TLK1: variants seen among roughly 807,000 people sequenced by gnomAD.
The protein encoded by TLK1 is tousled like kinase 1.
In TLK1, 24 loss-of-function variants were observed where a neutral mutation model predicts 105.3. That is an observed-to-expected ratio of 0.23 (90% CI 0.17 to 0.32). The LOEUF (loss-of-function observed/expected upper bound fraction) is 0.32, where lower values mean the gene tolerates loss of function less well. Ranked by LOEUF, TLK1 falls within the 10% of genes least tolerant of loss-of-function variation. The pLI, the probability that TLK1 is intolerant of heterozygous loss-of-function variation, is 1.00. For missense variants in TLK1, 558 were observed against 910.5 expected, an observed-to-expected ratio of 0.61 and a Z score of 4.98; for synonymous variants, 321 against 310.4, an observed-to-expected ratio of 1.03 and a Z score of -0.36.
At chr2:171,069,079 T>C (rs1233885296) in intron 3 of TLK1, among the ~76,000 whole-genome samples, 1 of 152,210 alleles carries the variant, frequency 6.6e-6, no homozygotes, top group Non-Finnish European at 1.5e-5. Context: ...CTCAGGTATA[T>C]CTTAGATTGG....
chr2:171,196,159 C>G (rs1417477876), intron 1 of TLK1, among the ~76,000 whole-genome samples: 1 of 149,224 alleles, frequency 6.7e-6, no homozygotes, highest in Non-Finnish European at 1.5e-5. Context: ...CTCTGCCTAC[C>G]AGGCTGGAGT....
chr2:171,147,009 A>G (rs749225865), intron 1 of TLK1, among the ~76,000 whole-genome samples: 5 of 152,214 alleles, frequency 3.3e-5, no homozygotes, highest in Non-Finnish European at 7.4e-5. Flanking sequence ...CCAAATGACC[A>G]ATGAATATAA....
chr2:171,176,416 A>G lies in TLK1; in HGVS notation c.-6+54729T>C, dbSNP rs77718113. Among the ~76,000 whole-genome samples, 530 of 152,250 alleles carry G rather than the reference A, an allele frequency of 3.5e-3. 5 individuals are homozygous for G. The highest frequency in any genetic ancestry group is 0.012 in the African/African-American group (510 of 41,540). On this transcript the variant is annotated intron_variant, in intron 1 of 20. Coordinates refer to the TLK1 transcript ENST00000521943. ...AGCATGGCTTCTCTTGGGCTGTCTA[A>G]TAACTCACATATCCAAAACGGAACT... is the stretch of plus-strand genomic sequence containing the variant.
chr2:171,034,703 C>T (rs980497087), intron 11 of TLK1, among the ~76,000 whole-genome samples: 4 of 152,106 alleles, frequency 2.6e-5, no homozygotes, highest in African/African-American at 9.7e-5. Context: ...AGCCACTGAA[C>T]TGTACATCTT....
At chr2:171,137,853 A>T (rs975703360) in intron 1 of TLK1, among the ~76,000 whole-genome samples, 39 of 152,010 alleles carry the variant, frequency 2.6e-4, no homozygotes, top group Non-Finnish European at 4.0e-4. Context: ...TGTCTCAAAA[A>T]AAAATAAAAT....
chr2:171,198,448 A>G (rs1276087735), intron 1 of TLK1, among the ~76,000 whole-genome samples: 1 of 152,222 alleles, frequency 6.6e-6, no homozygotes, highest in Non-Finnish European at 1.5e-5. Context: ...GAGTAGAATA[A>G]TTTTCAATAG....
intron 7 of TLK1, 38 bp from the exon 8 acceptor site, chr2:171,053,891 T>C (rs766837290): frequency 1.5e-5 from 22 of 1,436,146 alleles, no homozygotes; most frequent in East Asian, 4.7e-5. Context: ...CTCCATTATA[T>C]ATGTTGTTTC....
At chr2:171,055,282 A>G (rs1401192871) in intron 6 of TLK1, 110 bp from the exon 7 acceptor site, 3 of 645,154 alleles carry the variant, frequency 4.7e-6, no homozygotes, top group Non-Finnish European at 7.5e-6. Context: ...AGAAGTTTCT[A>G]TCAGAATAAT....
At chr2:171,075,052 A>T (rs1688439344) in intron 3 of TLK1, among the ~76,000 whole-genome samples, 1 of 152,126 alleles carries the variant, frequency 6.6e-6, no homozygotes, top group African/African-American at 2.4e-5. Flanking sequence ...TCCAGGTCAC[A>T]GTAAATAAAT....
chr2:171,085,786 C>T (rs1688946062), intron 2 of TLK1, among the ~76,000 whole-genome samples: 1 of 152,026 alleles, frequency 6.6e-6, no homozygotes, highest in Admixed American at 6.5e-5. Context: ...GAACTGAAGG[C>T]AAGCAATAAT....
intron 20 of TLK1, chr2:170,994,662 T>C (rs1434449174): frequency 1.9e-6 from 1 of 516,562 alleles, no homozygotes; most frequent in Non-Finnish European, 3.9e-6. Context: ...AAAGAACCTC[T>C]GAATCCCCCT....
At chr2:171,189,339 T>C (rs1452192810) in intron 1 of TLK1, among the ~76,000 whole-genome samples, 2 of 152,110 alleles carry the variant, frequency 1.3e-5, no homozygotes, top group Non-Finnish European at 2.9e-5. Flanking sequence ...GTTAAGTTTT[T>C]ACACTTTTAG....
At chr2:171,107,638 A>G (rs1197780043) in intron 2 of TLK1, among the ~76,000 whole-genome samples, 3 of 152,222 alleles carry the variant, frequency 2.0e-5, no homozygotes, top group Non-Finnish European at 4.4e-5. Context: ...GAAGCCAGAA[A>G]TGTCTTGTGT....
At chr2:171,166,709 GT>G (rs1692616211) in intron 1 of TLK1, among the ~76,000 whole-genome samples, 1 of 152,198 alleles carries the variant, frequency 6.6e-6, no homozygotes, top group East Asian at 1.9e-4. Flanking sequence ...TGACCTGGCA[GT>G]TCCGTTCCAA....
chr2:171,178,163 T>C (rs1692867253), intron 1 of TLK1, among the ~76,000 whole-genome samples: 1 of 152,228 alleles, frequency 6.6e-6, no homozygotes, highest in Non-Finnish European at 1.5e-5. Flanking sequence ...TTATCTAATA[T>C]GCTCCTGTCA....
chr2:171,207,413 G>A (rs751720900), intron 1 of TLK1, among the ~76,000 whole-genome samples: 1 of 152,220 alleles, frequency 6.6e-6, no homozygotes, highest in Non-Finnish European at 1.5e-5. Context: ...GCAGATCACA[G>A]AGAATTTTTA....
intron 1 of TLK1, among the ~76,000 whole-genome samples, chr2:171,201,798 G>A (rs1283778859): frequency 6.6e-6 from 1 of 152,112 alleles, no homozygotes; most frequent in African/African-American, 2.4e-5. Flanking sequence ...CTTTACTACA[G>A]CTCGATGTGA....
At chr2:171,096,601 T>C (rs1302052197) in intron 2 of TLK1, among the ~76,000 whole-genome samples, 2 of 151,312 alleles carry the variant, frequency 1.3e-5, no homozygotes, top group African/African-American at 2.4e-5. Flanking sequence ...TACCAAAAAA[T>C]ACAAAAATTA....
chr2:170,997,160 A>C (rs934530233), intron 19 of TLK1, among the ~76,000 whole-genome samples: 3 of 152,230 alleles, frequency 2.0e-5, no homozygotes, highest in African/African-American at 7.2e-5. Flanking sequence ...TAAATGAAGG[A>C]GCTCTGGATT....
Sources: gnomAD v4.1 joint callset for allele counts (sites outside exome capture counted in the v4.1 genomes callset) on GRCh38, gnomAD v4.1.1 for gene constraint, MANE v1.5 for transcripts, NCBI Gene and HGNC (gene_info 2026-07-23, HGNC 2026-07-21) for gene names.